The following BMP6 variants were observed in gnomAD, a reference collection of about 807,000 sequenced individuals.
The protein encoded by BMP6 is bone morphogenetic protein 6.
A neutral mutation model predicts 54.1 loss-of-function variants in BMP6; 17 were observed. The ratio of observed to expected loss-of-function variants is 0.31; its 90% CI spans 0.22 to 0.47. BMP6 has a LOEUF of 0.47. BMP6 is among the 20% of genes least tolerant of loss of function. BMP6 has a pLI of 1.00. For synonymous variants in BMP6, 328 were observed against 291.2 expected (o/e 1.13, Z -1.28); for missense variants, 720 against 690.4 (o/e 1.04, Z -0.48).
intron 1 of BMP6, among the ~76,000 whole-genome samples, chr6:7,742,225 A>G (rs1488646133): frequency 6.6e-6 from 1 of 152,202 alleles, no homozygotes; most frequent in Non-Finnish European, 1.5e-5. Flanking sequence ...GGCTTTGGGA[A>G]GAAGAAATAT....
rs1356676895 is a variant in BMP6, at chr6:7,817,626, T to C, written c.665-27514T>C. Among the ~76,000 whole-genome samples, 8 of 151,358 alleles carry C rather than the reference T, an allele frequency of 5.3e-5. No homozygotes were observed. In the East Asian group the frequency reaches 1.6e-3, roughly 30 times the overall value. On this transcript the variant is annotated intron_variant, in intron 1 of 6. Coordinates refer to ENST00000283147, the MANE Select transcript of BMP6 (RefSeq NM_001718.6). ...CATTAGGAGATATACCTAATGTAAA[T>C]GATGAGTTAATGGGTGCAGCACACC... is the stretch of plus-strand genomic sequence containing the variant.
intron 3 of BMP6, 119 bp downstream of exon 3, chr6:7,861,718 C>T: frequency 5.8e-6 from 8 of 1,384,110 alleles, no homozygotes; most frequent in East Asian, 2.3e-5. Flanking sequence ...AGGATGGCCT[C>T]ATTTACTGAT....
Position 7,839,573 on chromosome 6 carries a change from T to C in BMP6, c.665-5567T>C, listed in dbSNP as rs148505898. Among the ~76,000 whole-genome samples, 441 of 152,358 alleles carry C rather than the reference T, an allele frequency of 2.9e-3. 4 individuals are homozygous for C. The highest frequency in any genetic ancestry group is 0.022 in the East Asian group (114 of 5,186). On this transcript the variant is annotated intron_variant, in intron 1 of 6. Coordinates refer to ENST00000283147, the MANE Select transcript of BMP6 (RefSeq NM_001718.6). ...GTGGAATTATACAGTATTTGTCCTT[T>C]TGTGGGTGGCACATTTCACTTCACA...
At chr6:7,808,124 G>A (rs578005311) in intron 1 of BMP6, among the ~76,000 whole-genome samples, 3 of 151,972 alleles carry the variant, frequency 2.0e-5, no homozygotes, top group Non-Finnish European at 4.4e-5. Flanking sequence ...GTTTCACCGT[G>A]TTAGCCAGGA....
intron 1 of BMP6, among the ~76,000 whole-genome samples, chr6:7,822,740 A>G (rs1758630698): frequency 6.6e-6 from 1 of 152,188 alleles, no homozygotes; most frequent in South Asian, 2.1e-4. Flanking sequence ...AAATGATACA[A>G]GTGACCAAAA....
intron 1 of BMP6, among the ~76,000 whole-genome samples, chr6:7,823,806 T>TAGAATGAAGCTAGGTCAG (rs1259065118): frequency 1.3e-5 from 2 of 152,104 alleles, no homozygotes; most frequent in Non-Finnish European, 2.9e-5. Context: ...GCTGCATCAG[T>TAGAATGAAGCTAGGTCAG]AGAATGAAGC....
At chr6:7,769,947 A>C (rs547289601) in intron 1 of BMP6, among the ~76,000 whole-genome samples, 1 of 152,116 alleles carries the variant, frequency 6.6e-6, no homozygotes, top group African/African-American at 2.4e-5. Flanking sequence ...TGCATCAAAA[A>C]CCCTTAGTCA....
At chr6:7,809,116 C>CA (rs1758398410) in intron 1 of BMP6, among the ~76,000 whole-genome samples, 7 of 144,414 alleles carry the variant, frequency 4.8e-5, no homozygotes, top group Middle Eastern at 3.2e-3. Context: ...CCACCCCCCC[C>CA]CAAAAAAAAA....
At chr6:7,828,151 C>A (rs1298799601) in intron 1 of BMP6, among the ~76,000 whole-genome samples, 2 of 152,198 alleles carry the variant, frequency 1.3e-5, no homozygotes, top group Non-Finnish European at 2.9e-5. Context: ...ATTTAGGAAG[C>A]ATTGCCTATT....
chr6:7,746,447 C>T (rs560682854), intron 1 of BMP6, among the ~76,000 whole-genome samples: 3 of 152,234 alleles, frequency 2.0e-5, no homozygotes, highest in South Asian at 4.2e-4. Context: ...GGTAACATCC[C>T]CCCTCCCGTT....
chr6:7,858,900 C>T (rs536354589), intron 2 of BMP6, among the ~76,000 whole-genome samples: 4 of 151,646 alleles, frequency 2.6e-5, no homozygotes, highest in South Asian at 2.1e-4. Flanking sequence ...CACTTGTTGA[C>T]CTCACAAGCT....
At chr6:7,752,935 C>T (rs1023173076) in intron 1 of BMP6, among the ~76,000 whole-genome samples, 1 of 152,128 alleles carries the variant, frequency 6.6e-6, no homozygotes, top group East Asian at 1.9e-4. Context: ...TACACCTAGC[C>T]TCCAGGGATC....
At chr6:7,845,119 C>A in intron 1 of BMP6, 21 bp from the exon 2 acceptor site, 1 of 1,595,308 alleles carries the variant, frequency 6.3e-7, no homozygotes, top group Non-Finnish European at 8.6e-7. Flanking sequence ...AGTTGTCACT[C>A]TCTCTTGTTT....
intron 1 of BMP6, among the ~76,000 whole-genome samples, chr6:7,742,204 AT>A (rs1167206467): frequency 6.6e-6 from 1 of 152,156 alleles, no homozygotes; most frequent in Non-Finnish European, 1.5e-5. Context: ...GACTTTCTAA[AT>A]TTTTTTAAAG....
Position 7,727,137 on chromosome 6 carries a change from A to G in BMP6, c.182A>G (p.Gln61Arg). The change falls in exon 1 of 7, where the codon CAG (glutamine) becomes CGG (arginine). Residue 61 changes from glutamine to arginine, a missense_variant. Transcript: ENST00000283147. ...ACGGAGCAGCCGCCGCCGTCGCCGC[A>G]GTCCTCCTCGGGCTTCCTGTACCGG... ...GRTEQPPPSP[Q>R]SSSGFLYRRL... is the part of the protein sequence containing the mutation. 6.4e-7 allele frequency: 1 copy of G among 1,555,418 alleles called. No individual in the cohort carries two copies. The highest frequency in any genetic ancestry group is 8.7e-7 in the Non-Finnish European group (1 of 1,153,492).
chr6:7,820,128 C>T (rs2113222445), intron 1 of BMP6, among the ~76,000 whole-genome samples: 1 of 152,324 alleles, frequency 6.6e-6, no homozygotes, highest in African/African-American at 2.4e-5. Flanking sequence ...CATACTCCAT[C>T]ATCCAGCTAA....
Position 7,808,002 on chromosome 6 carries a change from T to G in BMP6, c.665-37138T>G, listed in dbSNP as rs539868107. On this transcript the variant is annotated intron_variant, in intron 1 of 6. Transcript: ENST00000283147. ...GTGGCACGATCTCAGCTCACTGCAATCTCCACTTCGCGGGTTCACGCCATT... is the reference window on the plus strand; with the variant it reads ...GTGGCACGATCTCAGCTCACTGCAAGCTCCACTTCGCGGGTTCACGCCATT... 3.4e-4 allele frequency among the ~76,000 whole-genome samples: 47 copies of G among 139,860 alleles called. No individual in the cohort carries two copies. In the East Asian group the frequency reaches 8.0e-3, roughly 24 times the overall value. The allele number at this position is 139,860 out of a possible 152,430, so 91.8% of individuals were successfully genotyped here. A position where few individuals can be genotyped will look rare whatever the true frequency, so the allele number is the denominator to read the frequency against.
At chr6:7,797,171 G>A (rs1380371304) in intron 1 of BMP6, among the ~76,000 whole-genome samples, 2 of 152,104 alleles carry the variant, frequency 1.3e-5, no homozygotes, top group Non-Finnish European at 2.9e-5. Flanking sequence ...ACAAATATAC[G>A]TCATCATACT....
At chr6:7,791,986 TTGGA>T (rs55687662) in intron 1 of BMP6, among the ~76,000 whole-genome samples, 3,138 of 150,402 alleles carry the variant, frequency 0.021, 38 homozygotes, top group Middle Eastern at 0.038. Context: ...ACAGGACCAA[TTGGA>T]TGGATGGATG....
Sources: allele counts gnomAD v4.1 joint callset (sites outside exome capture counted in the v4.1 genomes callset), GRCh38; gene constraint gnomAD v4.1.1; transcripts MANE v1.5; gene names NCBI Gene and HGNC (gene_info 2026-07-23, HGNC 2026-07-21).